USP20: variants seen among roughly 807,000 people sequenced by gnomAD.
USP20 encodes the protein ubiquitin specific peptidase 20.
In USP20, 80 loss-of-function variants were observed where a neutral mutation model predicts 124.2. The ratio of observed to expected loss-of-function variants is 0.64; its 90% CI spans 0.54 to 0.78. USP20 has a LOEUF of 0.78. Among genes scored for constraint, USP20 ranks in the 30% least tolerant of loss-of-function variants. The probability of loss-of-function intolerance (pLI) is 0.00; values close to 1 mark genes in which losing one functional copy is unlikely to be tolerated. For missense variants in USP20, 1,043 were observed against 1,244.4 expected (o/e 0.84, Z 2.44); for synonymous variants, 481 against 512.3 (o/e 0.94, Z 0.83).
At chr9:129,865,780 T>G (rs985895985) in intron 10 of USP20, among the ~76,000 whole-genome samples, 1 of 152,076 alleles carries the variant, frequency 6.6e-6, no homozygotes, top group African/African-American at 2.4e-5. Context: ...TCGTCCCACC[T>G]CAGGCTCCGA....
intron 3 of USP20, among the ~76,000 whole-genome samples, chr9:129,854,105 A>G (rs2033088853): frequency 6.6e-6 from 1 of 152,252 alleles, no homozygotes; most frequent in Non-Finnish European, 1.5e-5. Flanking sequence ...GATATTGCTA[A>G]TGAAATAGGA....
intron 1 of USP20, among the ~76,000 whole-genome samples, chr9:129,847,550 C>T (rs1017665245): frequency 3.9e-5 from 6 of 152,140 alleles, no homozygotes; most frequent in Non-Finnish European, 7.4e-5. Flanking sequence ...ATCCGCCCGC[C>T]TCAGCCTCCC....
intron 8 of USP20, among the ~76,000 whole-genome samples, chr9:129,861,981 A>G (rs995397791): frequency 1.3e-5 from 2 of 152,276 alleles, no homozygotes; most frequent in African/African-American, 4.8e-5. Flanking sequence ...TGAGTGGGGG[A>G]AAAAGGAGGT....
intron 14 of USP20, 138 bp from the exon 15 acceptor site, chr9:129,870,315 C>G: frequency 1.2e-6 from 1 of 851,766 alleles, no homozygotes; most frequent in Non-Finnish European, 1.9e-6. Flanking sequence ...TCTGCCCCGA[C>G]CCGCCGTGCC....
Position 129,858,502 on chromosome 9 carries a change from G to C in USP20, c.234G>C (p.Thr78=). Reference sequence around the variant, plus strand: ...ACAACTTGACCGTGAACCTGACCACGTTCCGACTGTGGTGTTACGCCTGTG... The same window carrying C: ...ACAACTTGACCGTGAACCTGACCACCTTCCGACTGTGGTGTTACGCCTGTG... The part of the protein sequence containing the change: ...KKHNLTVNLT[T]FRLWCYACEK... Residue 78 remains threonine (T), a synonymous_variant, in exon 6 of 26, where the codon ACG becomes ACC. Transcript: ENST00000372429. 1 of 1,614,216 alleles carries C rather than the reference G, an allele frequency of 6.2e-7. No individual in the cohort carries two copies. Among genetic ancestry groups the C allele is most frequent in the Non-Finnish European group, 8.5e-7 (1 of 1,180,036 alleles).
chr9:129,836,985 G>T (rs567631797), intron 1 of USP20, among the ~76,000 whole-genome samples: 12 of 152,282 alleles, frequency 7.9e-5, no homozygotes, highest in African/African-American at 2.6e-4. Context: ...AGGGCAAGAA[G>T]GCCAGGGGCA....
rs766622361 is a variant in USP20, at chr9:129,839,578, C to T, written c.-129+4079C>T. On this transcript the variant is annotated intron_variant, in intron 1 of 25. Coordinates refer to ENST00000372429, the MANE Select transcript of USP20 (RefSeq NM_001110303.4). This position sits in a 1 kb window ranked among gnomAD's most constrained non-coding sequence, Gnocchi z 4.5. Reference sequence around the variant, plus strand: ...CAGCAGGAGGGAGAGAAAGGGTGTGCGAGGGCCAGAGGGGACTGTGGAGGG... The same window carrying T: ...CAGCAGGAGGGAGAGAAAGGGTGTGTGAGGGCCAGAGGGGACTGTGGAGGG... Among the ~76,000 whole-genome samples, 15 of 150,730 alleles carry T rather than the reference C, an allele frequency of 1.0e-4. No homozygotes were observed. The highest frequency in any genetic ancestry group is 1.3e-4 in the Non-Finnish European group (9 of 67,760).
chr9:129,876,264 G>A, intron 22 of USP20, 26 bp downstream of exon 22: 1 of 1,583,774 alleles, frequency 6.3e-7, no homozygotes, highest in Non-Finnish European at 8.6e-7. Context: ...CGGCGCGGGG[G>A]CGGCTCTGCC....
At chr9:129,845,157 T>C (rs945150244) in intron 1 of USP20, among the ~76,000 whole-genome samples, 1 of 152,124 alleles carries the variant, frequency 6.6e-6, no homozygotes, top group East Asian at 1.9e-4. Flanking sequence ...GCCATCCAGG[T>C]AGCAGCTTTG....
chr9:129,842,637 AG>A (rs1471756946), intron 1 of USP20, among the ~76,000 whole-genome samples: 1 of 147,846 alleles, frequency 6.8e-6, no homozygotes, highest in Non-Finnish European at 1.5e-5. Context: ...TCTGTTGCCC[AG>A]GCTGGAGTGC....
chr9:129,877,585 C>G (rs755766027), intron 22 of USP20, among the ~76,000 whole-genome samples: 2 of 152,092 alleles, frequency 1.3e-5, no homozygotes, highest in Non-Finnish European at 2.9e-5. Context: ...GTGGTCCAAC[C>G]TACTCAGGAG....
intron 1 of USP20, among the ~76,000 whole-genome samples, chr9:129,845,382 T>C (rs1388669884): frequency 6.6e-6 from 1 of 152,152 alleles, no homozygotes; most frequent in Non-Finnish European, 1.5e-5. Context: ...GAAAAACCAT[T>C]AACAGTAACC....
At position 129,863,235 on chromosome 9, in the gene USP20, G is replaced by GT; in HGVS notation, c.547_548insT (p.Asp183ValfsTer2). On this transcript the variant is annotated frameshift_variant, in exon 9 of 26. Coordinates refer to ENST00000372429, the MANE Select transcript of USP20 (RefSeq NM_001110303.4). LOFTEE classifies it high-confidence loss of function. ...GGAGTGTGGCGGCCTGGTGCGCACA[G>GT]ATAAGAAGCCAGCCCTGTGCAAGAG... 1 of 1,551,176 alleles carries GT rather than the reference G, an allele frequency of 6.4e-7. No homozygotes were observed. The highest frequency in any genetic ancestry group is 2.4e-5 in the East Asian group (1 of 41,036).
Position 129,863,229 on chromosome 9 carries a change from C to T in USP20, c.541C>T (p.Arg181Cys), listed in dbSNP as rs370020171. 28 of 1,550,104 alleles carry T rather than the reference C, an allele frequency of 1.8e-5. No homozygotes were observed. The highest frequency in any genetic ancestry group is 1.6e-4 in the African/African-American group (12 of 73,198). ...CTTCTTGGAGTGTGGCGGCCTGGTGCGCACAGATAAGAAGCCAGCCCTGTG... is the reference window on the plus strand; with the variant it reads ...CTTCTTGGAGTGTGGCGGCCTGGTGTGCACAGATAAGAAGCCAGCCCTGTG... The part of the protein sequence containing the change: ...QFFLECGGLV[R>C]TDKKPALCKS... Residue 181 changes from arginine (R) to cysteine (C), a missense_variant, in exon 9 of 26, where the codon CGC becomes TGC. Arg to Cys is a radical substitution (Grantham distance 180). Coordinates refer to ENST00000372429, the MANE Select transcript of USP20 (RefSeq NM_001110303.4).
intron 15 of USP20, among the ~76,000 whole-genome samples, chr9:129,871,742 G>A (rs1158217808): frequency 2.0e-5 from 3 of 152,168 alleles, no homozygotes; most frequent in African/African-American, 7.2e-5. Context: ...TTGAGACGGA[G>A]TCTCTCTCTT....
chr9:129,840,674 A>G (rs1393224682), intron 1 of USP20, among the ~76,000 whole-genome samples: 1 of 152,064 alleles, frequency 6.6e-6, no homozygotes, highest in African/African-American at 2.4e-5. Flanking sequence ...TGCAGACATC[A>G]CAGTCCTTTT....
intron 1 of USP20, among the ~76,000 whole-genome samples, chr9:129,843,117 ATT>A (rs111656983): frequency 1.3e-3 from 185 of 140,436 alleles, no homozygotes; most frequent in African/African-American, 2.4e-3. Flanking sequence ...TTGACCAATA[ATT>A]TTTTTTTTTT....
chr9:129,871,284 C>G (rs1331956267), intron 15 of USP20, among the ~76,000 whole-genome samples: 2 of 152,122 alleles, frequency 1.3e-5, no homozygotes, highest in Non-Finnish European at 2.9e-5. Flanking sequence ...CATTTTGTGA[C>G]TGACGGCTTT....
chr9:129,837,802 T>C (rs2031952926), intron 1 of USP20, among the ~76,000 whole-genome samples: 1 of 152,216 alleles, frequency 6.6e-6, no homozygotes, highest in Admixed American at 6.5e-5. Context: ...GATTGAATGA[T>C]AGGCCTTGGG....
Sources: gnomAD v4.1 joint callset for allele counts (sites outside exome capture counted in the v4.1 genomes callset) on GRCh38, gnomAD v4.1.1 for gene constraint, Gnocchi (gnomAD v3.1) non-coding constraint, MANE v1.5 for transcripts, NCBI Gene and HGNC (gene_info 2026-07-23, HGNC 2026-07-21) for gene names.